Variants in PREX2 observed in about 807,000 individuals in gnomAD.
PREX2 encodes the protein phosphatidylinositol 3,4,5-trisphosphate-dependent Rac exchanger 2 protein.
In PREX2, 107 loss-of-function variants were observed where a neutral mutation model predicts 203.2. The observed-to-expected ratio is 0.53, with a 90% CI of 0.45 to 0.62. The LOEUF (loss-of-function observed/expected upper bound fraction) is 0.62. PREX2 is among the 20% of genes least tolerant of loss of function. The pLI, the probability that PREX2 is intolerant of heterozygous loss-of-function variation, is 0.00. For synonymous variants in PREX2, 672 were observed against 663.6 expected, an observed-to-expected ratio of 1.01 and a Z score of -0.19; for missense variants, 1,777 against 1,955.9, an observed-to-expected ratio of 0.91 and a Z score of 1.72.
At chr8:68,184,194 G>T (rs1812142089) in intron 35 of PREX2, among the ~76,000 whole-genome samples, 1 of 152,102 alleles carries the variant, frequency 6.6e-6, no homozygotes, top group South Asian at 2.1e-4. Flanking sequence ...TTAACCACAT[G>T]TGGCCGCAGG....
intron 30 of PREX2, among the ~76,000 whole-genome samples, chr8:68,125,733 A>G (rs1412549639): frequency 1.3e-5 from 2 of 152,124 alleles, no homozygotes; most frequent in African/African-American, 2.4e-5. Context: ...TGTTCCCTAT[A>G]AAGAAAAATG....
At chr8:68,178,468 G>A (rs910805051) in intron 35 of PREX2, among the ~76,000 whole-genome samples, 1 of 151,630 alleles carries the variant, frequency 6.6e-6, no homozygotes, top group African/African-American at 2.4e-5. Flanking sequence ...TTTAAATGGG[G>A]TTGCTTGTTT....
rs1015285221 is a variant in PREX2, at chr8:68,231,198, T to G, written c.4776-135T>G. On this transcript the variant is annotated intron_variant, in intron 39 of 39. Transcript: ENST00000288368. ...GGAGTTTGCCAATTCATATGTTATT[T>G]TTAGTGAAATAGACAATCCGATCAT... The G allele has an allele frequency of 1.0e-5, 6 of 573,464 alleles. 1 individual carries two copies. The highest frequency in any genetic ancestry group is 6.9e-5 in the East Asian group (2 of 29,000). 35.5% of individuals were successfully genotyped at this position (573,464 alleles called of 1,614,324 possible). A position where few individuals can be genotyped will look rare whatever the true frequency, so the allele number is the denominator to read the frequency against.
At chr8:68,074,340 G>A (rs1042887001) in intron 14 of PREX2, among the ~76,000 whole-genome samples, 4 of 152,058 alleles carry the variant, frequency 2.6e-5, no homozygotes, top group African/African-American at 9.7e-5. Context: ...AATAGGAATT[G>A]CATTGGCTGG....
rs112490058 is a variant in PREX2, at chr8:68,018,396, A to G, written c.213+479A>G. Among the ~76,000 whole-genome samples, 516 of 152,166 alleles carry G rather than the reference A, an allele frequency of 3.4e-3. 1 individual carries two copies. The highest frequency in any genetic ancestry group is 5.9e-3 in the Non-Finnish European group (403 of 67,978). On this transcript the variant is annotated intron_variant, in intron 2 of 39. Coordinates refer to ENST00000288368, the MANE Select transcript of PREX2 (RefSeq NM_024870.4). ...GCAGGAGAATTGCTTGAACCCAGGA[A>G]GCAGAGGTGTTGGTGAGCTGAGATG...
intron 20 of PREX2, among the ~76,000 whole-genome samples, 193 bp from the exon 21 acceptor site, chr8:68,093,408 AAAAG>A (rs1454613353): frequency 8.7e-5 from 13 of 149,700 alleles, no homozygotes; most frequent in African/African-American, 3.0e-4. Context: ...AAAAAAAAAA[AAAAG>A]AAAGAAAGAG....
intron 35 of PREX2, among the ~76,000 whole-genome samples, chr8:68,165,379 G>A (rs1811741224): frequency 6.6e-6 from 1 of 152,120 alleles, no homozygotes; most frequent in Non-Finnish European, 1.5e-5. Flanking sequence ...GACCCATCTT[G>A]TTCATTGGGT....
At chr8:67,967,102 C>G (rs989939010) in intron 1 of PREX2, among the ~76,000 whole-genome samples, 4 of 152,184 alleles carry the variant, frequency 2.6e-5, no homozygotes, top group African/African-American at 4.8e-5. Context: ...TTGTAAATCT[C>G]TAAAAATATT....
In PREX2 at chr8:68,192,395, T is replaced by A; in HGVS notation, c.4474T>A (p.Ser1492Thr). 6.2e-7 allele frequency: 1 copy of A among 1,613,950 alleles called. No individual in the cohort carries two copies. The highest frequency in any genetic ancestry group is 8.5e-7 in the Non-Finnish European group (1 of 1,179,870). The change falls in exon 37 of 40, where the codon TCC (serine) becomes ACC (threonine). Residue 1492 changes from serine to threonine, a missense_variant. Transcript: ENST00000288368. ...LYRLVASFIR[S>T]KRTAACANTA... is the part of the protein sequence containing the mutation. Reference sequence around the variant, plus strand: ...CCGACTGGTAGCCTCGTTTATCAGATCCAAGCGCACAGCTGCCTGTGCAAA... The same window carrying A: ...CCGACTGGTAGCCTCGTTTATCAGAACCAAGCGCACAGCTGCCTGTGCAAA...
intron 38 of PREX2, among the ~76,000 whole-genome samples, chr8:68,220,913 A>C (rs1274003324): frequency 1.3e-5 from 2 of 152,170 alleles, no homozygotes; most frequent in African/African-American, 4.8e-5. Flanking sequence ...GGTTTGTTAC[A>C]TGGATACGTT....
intron 1 of PREX2, among the ~76,000 whole-genome samples, chr8:67,977,194 C>T (rs938009194): frequency 1.3e-5 from 2 of 152,156 alleles, no homozygotes; most frequent in African/African-American, 4.8e-5. Flanking sequence ...CTCCACAGAG[C>T]TCTCTCCCCG....
At chr8:68,083,009 A>G (rs1185618629) in intron 17 of PREX2, 2 of 380,280 alleles carry the variant, frequency 5.3e-6, no homozygotes, top group East Asian at 7.8e-5. Context: ...TCAGGGAGGG[A>G]AATGGGGATA....
intron 12 of PREX2, among the ~76,000 whole-genome samples, chr8:68,069,398 T>G (rs1178837796): frequency 6.6e-6 from 1 of 151,544 alleles, no homozygotes; most frequent in East Asian, 1.9e-4. Flanking sequence ...CCCTTTTACA[T>G]GTAGCAACAT....
At chr8:68,077,326 T>A in intron 14 of PREX2, 71 bp from the exon 15 acceptor site, 1 of 1,085,264 alleles carries the variant, frequency 9.2e-7, no homozygotes, top group Non-Finnish European at 1.4e-6. Flanking sequence ...GCTGGGAATG[T>A]TAAATGGAGC....
chr8:68,117,924 T>C (rs1021457409), intron 26 of PREX2, among the ~76,000 whole-genome samples: 1 of 152,226 alleles, frequency 6.6e-6, no homozygotes, highest in Non-Finnish European at 1.5e-5. Flanking sequence ...ATCTAATTAC[T>C]GGCATGTATC....
intron 25 of PREX2, among the ~76,000 whole-genome samples, chr8:68,115,321 C>T (rs1458106437): frequency 6.6e-6 from 1 of 152,174 alleles, no homozygotes; most frequent in African/African-American, 2.4e-5. Context: ...AGCCACAACA[C>T]CCGGCTGATT....
chr8:68,173,932 ATAGT>A (rs1216623887), intron 35 of PREX2, among the ~76,000 whole-genome samples: 1 of 152,214 alleles, frequency 6.6e-6, no homozygotes, highest in Non-Finnish European at 1.5e-5. Context: ...CCCCAAAAAG[ATAGT>A]TAGGGAAATA....
chr8:67,980,765 A>G (rs1041641885), intron 1 of PREX2, among the ~76,000 whole-genome samples: 1 of 152,150 alleles, frequency 6.6e-6, no homozygotes, highest in Non-Finnish European at 1.5e-5. Context: ...CCTTTGTTTC[A>G]GTCTGAATTT....
intron 34 of PREX2, among the ~76,000 whole-genome samples, chr8:68,149,633 C>T (rs1225290049): frequency 6.6e-6 from 1 of 152,202 alleles, no homozygotes; most frequent in Non-Finnish European, 1.5e-5. Context: ...TCTCTACACG[C>T]TCCCCACTGA....
Sources: gnomAD v4.1 joint callset for allele counts (sites outside exome capture counted in the v4.1 genomes callset) on GRCh38, gnomAD v4.1.1 for gene constraint, MANE v1.5 for transcripts, NCBI Gene and HGNC (gene_info 2026-07-23, HGNC 2026-07-21) for gene names.